MEIS2: variants seen among roughly 807,000 people sequenced by gnomAD.
MEIS2 encodes homeobox protein Meis2.
In MEIS2, 9 loss-of-function variants were observed where a neutral mutation model predicts 58.6. The observed-to-expected ratio is 0.15, with a 90% CI of 0.09 to 0.27. The LOEUF is 0.27. Among genes scored for constraint, MEIS2 ranks in the 10% least tolerant of loss-of-function variants. The probability of loss-of-function intolerance (pLI) is 1.00; values close to 1 mark genes in which losing one functional copy is unlikely to be tolerated. For synonymous variants in MEIS2, 221 were observed against 228.4 expected, an observed-to-expected ratio of 0.97 and a Z score of 0.29; for missense variants, 427 against 635.0, an observed-to-expected ratio of 0.67 and a Z score of 3.52.
chr15:36,895,290 G>A (rs1176178185), intron 10 of MEIS2, 29 bp from the exon 11 acceptor site: 2 of 1,583,702 alleles, frequency 1.3e-6, no homozygotes, highest in Non-Finnish European at 1.7e-6. Context: ...GGACACAGAG[G>A]AGAAAGAAGA....
chr15:37,079,215 TCA>T (rs1261369608), intron 7 of MEIS2, among the ~76,000 whole-genome samples: 4 of 152,084 alleles, frequency 2.6e-5, no homozygotes, highest in Non-Finnish European at 5.9e-5. Flanking sequence ...AATTATAGTC[TCA>T]CAGAATTTTT....
At chr15:36,925,117 C>T (rs1040192746) in intron 9 of MEIS2, among the ~76,000 whole-genome samples, 4 of 151,840 alleles carry the variant, frequency 2.6e-5, no homozygotes, top group Non-Finnish European at 5.9e-5. Context: ...GTAAGGGCAG[C>T]CCTAGCTCAA....
At chr15:37,056,282 T>C (rs1378558196) in intron 7 of MEIS2, among the ~76,000 whole-genome samples, 1 of 152,154 alleles carries the variant, frequency 6.6e-6, no homozygotes, top group East Asian at 1.9e-4. Flanking sequence ...TTTCAGAAGT[T>C]AATGAGACAT....
chr15:37,005,649 G>A (rs1050433256), intron 8 of MEIS2, among the ~76,000 whole-genome samples: 5 of 151,980 alleles, frequency 3.3e-5, no homozygotes, highest in East Asian at 1.9e-4. Flanking sequence ...TGCAGCCTCC[G>A]GGCTCAAGAG....
At chr15:36,941,174 A>C (rs2058360456) in intron 9 of MEIS2, among the ~76,000 whole-genome samples, 1 of 152,196 alleles carries the variant, frequency 6.6e-6, no homozygotes, top group Admixed American at 6.5e-5. Flanking sequence ...ACACAGATCC[A>C]AGACTATCAG....
At chr15:36,932,078 A>G (rs1053018444) in intron 9 of MEIS2, among the ~76,000 whole-genome samples, 10 of 152,226 alleles carry the variant, frequency 6.6e-5, no homozygotes, top group African/African-American at 2.4e-4. Flanking sequence ...GACATATACT[A>G]TATTTTTTTT....
intron 8 of MEIS2, among the ~76,000 whole-genome samples, chr15:36,964,151 G>A (rs1480599341): frequency 3.3e-5 from 5 of 152,172 alleles, no homozygotes; most frequent in Admixed American, 1.3e-4. Context: ...CCCAAAGGAC[G>A]AATGCTTTTC....
chr15:37,059,649 CT>C (rs775861287), intron 7 of MEIS2, among the ~76,000 whole-genome samples: 1 of 150,940 alleles, frequency 6.6e-6, no homozygotes, highest in Non-Finnish European at 1.5e-5. Context: ...AAAAAATGTA[CT>C]TTTAGGCAAG....
chr15:36,952,012 T>C (rs770107583), intron 8 of MEIS2, among the ~76,000 whole-genome samples: 14 of 152,304 alleles, frequency 9.2e-5, no homozygotes, highest in East Asian at 5.8e-4. Flanking sequence ...CACTCATTCC[T>C]GGTCATCAAT....
At chr15:37,099,021 G>A (rs938110074) in intron 1 of MEIS2, 206 of 982,966 alleles carry the variant, frequency 2.1e-4, no homozygotes, top group Non-Finnish European at 2.4e-4. Context: ...CCCCAGCGGC[G>A]GCCCCGGCGG....
chr15:37,033,336 T>C (rs2062007750), intron 8 of MEIS2, among the ~76,000 whole-genome samples: 1 of 152,180 alleles, frequency 6.6e-6, no homozygotes, highest in African/African-American at 2.4e-5. Flanking sequence ...AATGGGCCAA[T>C]GGCCCATTCA....
intron 7 of MEIS2, among the ~76,000 whole-genome samples, chr15:37,062,374 C>T (rs968527174): frequency 3.9e-5 from 6 of 152,134 alleles, no homozygotes; most frequent in Non-Finnish European, 5.9e-5. Context: ...TTGTGAATGT[C>T]CCTCCTTCTA....
intron 4 of MEIS2, 52 bp from the exon 5 acceptor site, chr15:37,094,629 T>C: frequency 6.4e-7 from 1 of 1,551,712 alleles, no homozygotes; most frequent in Non-Finnish European, 8.8e-7. Flanking sequence ...TCTGAGGTCC[T>C]GTCTTGGGGT....
At chr15:36,906,218 T>A (rs559478215) in intron 9 of MEIS2, among the ~76,000 whole-genome samples, 1 of 152,316 alleles carries the variant, frequency 6.6e-6, no homozygotes, top group South Asian at 2.1e-4. Flanking sequence ...ATTCTTGAAA[T>A]TCCTAAATGG....
At chr15:36,953,510 G>T (rs1369354741) in intron 8 of MEIS2, among the ~76,000 whole-genome samples, 1 of 152,162 alleles carries the variant, frequency 6.6e-6, no homozygotes, top group East Asian at 1.9e-4. Flanking sequence ...CTAGTCCAGT[G>T]GCCCAGAGGT....
At chr15:36,910,616 C>A (rs1189051144) in intron 9 of MEIS2, among the ~76,000 whole-genome samples, 4 of 152,144 alleles carry the variant, frequency 2.6e-5, no homozygotes, top group Admixed American at 2.6e-4. Context: ...TAGATTTCCC[C>A]AAGTCAGATT....
At chr15:37,006,411 GA>G (rs1245040359) in intron 8 of MEIS2, among the ~76,000 whole-genome samples, 3 of 152,178 alleles carry the variant, frequency 2.0e-5, no homozygotes, top group African/African-American at 7.2e-5. Flanking sequence ...ATTATCTGGA[GA>G]AATTAAGATG....
intron 9 of MEIS2, among the ~76,000 whole-genome samples, chr15:36,902,856 G>C (rs1411580045): frequency 1.3e-5 from 2 of 152,144 alleles, no homozygotes; most frequent in African/African-American, 4.8e-5. Flanking sequence ...AGGAAAAGCT[G>C]GGCCAGTAAA....
intron 8 of MEIS2, among the ~76,000 whole-genome samples, chr15:36,970,340 C>G (rs1237767860): frequency 6.6e-6 from 1 of 150,862 alleles, no homozygotes; most frequent in Non-Finnish European, 1.5e-5. Context: ...GGAGGCGGAG[C>G]TTGCAGTGAG....
Sources: gnomAD v4.1 joint callset for allele counts (sites outside exome capture counted in the v4.1 genomes callset) on GRCh38, gnomAD v4.1.1 for gene constraint, MANE v1.5 for transcripts, NCBI Gene and HGNC (gene_info 2026-07-23, HGNC 2026-07-21) for gene names.